The following PTPRD variants were observed in gnomAD, a reference collection of about 807,000 sequenced individuals.
PTPRD encodes receptor-type tyrosine-protein phosphatase delta.
Under a neutral mutation model 214.5 loss-of-function variants are expected in PTPRD, and 34 were observed. The ratio of observed to expected loss-of-function variants is 0.16; its 90% CI spans 0.12 to 0.21. The LOEUF (loss-of-function observed/expected upper bound fraction) is 0.21, where lower values mean the gene tolerates loss of function less well. Ranked by LOEUF, PTPRD falls within the 10% of genes least tolerant of loss-of-function variation. The probability of loss-of-function intolerance (pLI) is 1.00; values close to 1 mark genes in which losing one functional copy is unlikely to be tolerated. For synonymous variants in PTPRD, 1,128 were observed against 845.7 expected (o/e 1.33, Z -5.79); for missense variants, 2,545 against 2,398.7 (o/e 1.06, Z -1.27).
At chr9:9,161,988 T>A (rs2154494309) in intron 10 of PTPRD, among the ~76,000 whole-genome samples, 1 of 152,252 alleles carries the variant, frequency 6.6e-6, no homozygotes, top group East Asian at 1.9e-4. Flanking sequence ...TCTTGAATCC[T>A]AAAAGAGTAG....
intron 11 of PTPRD, among the ~76,000 whole-genome samples, chr9:8,843,449 G>A (rs1036254174): frequency 1.3e-5 from 2 of 152,136 alleles, no homozygotes; most frequent in African/African-American, 4.8e-5. Flanking sequence ...TGATGTTTCA[G>A]AATGATCTGG....
At chr9:10,489,365 A>T (rs763767974) in intron 2 of PTPRD, among the ~76,000 whole-genome samples, 1 of 151,994 alleles carries the variant, frequency 6.6e-6, no homozygotes, top group South Asian at 2.1e-4. Flanking sequence ...CTTTCCCTCT[A>T]TTCTCCTCCA....
chr9:8,846,433 CAG>C (rs1566571640), intron 11 of PTPRD, among the ~76,000 whole-genome samples: 1 of 152,012 alleles, frequency 6.6e-6, no homozygotes, highest in Non-Finnish European at 1.5e-5. Flanking sequence ...CCTAATAAAA[CAG>C]AGTAAAAATA....
intron 14 of PTPRD, among the ~76,000 whole-genome samples, chr9:8,558,839 G>C (rs148755767): frequency 6.6e-6 from 1 of 152,048 alleles, no homozygotes; most frequent in Admixed American, 6.6e-5. Context: ...AAATAAAATG[G>C]TAATTGCCAC....
At chr9:10,585,077 A>C (rs1288745919) in intron 2 of PTPRD, among the ~76,000 whole-genome samples, 3 of 152,120 alleles carry the variant, frequency 2.0e-5, no homozygotes, top group Non-Finnish European at 4.4e-5. Context: ...CCTTAAATAA[A>C]TTGTGAAATA....
At chr9:10,372,319 G>C (rs1210205211) in intron 2 of PTPRD, among the ~76,000 whole-genome samples, 1 of 151,934 alleles carries the variant, frequency 6.6e-6, no homozygotes, top group Middle Eastern at 3.2e-3. Context: ...TATTTGACAG[G>C]TTTTGAGTAG....
chr9:8,417,919 T>A (rs567380582), intron 35 of PTPRD, among the ~76,000 whole-genome samples: 42 of 152,304 alleles, frequency 2.8e-4, no homozygotes, highest in African/African-American at 8.9e-4. Flanking sequence ...TGAAAGAGTA[T>A]TAAATGTTTT....
intron 7 of PTPRD, among the ~76,000 whole-genome samples, chr9:9,578,842 G>A (rs1245866071): frequency 6.6e-6 from 1 of 152,016 alleles, no homozygotes; most frequent in Non-Finnish European, 1.5e-5. Flanking sequence ...ACTAAATTCA[G>A]AATCCCAGTT....
intron 7 of PTPRD, among the ~76,000 whole-genome samples, chr9:9,691,935 T>C (rs1214033750): frequency 1.3e-5 from 2 of 152,072 alleles, no homozygotes; most frequent in African/African-American, 2.4e-5. Flanking sequence ...CTGGGAACTG[T>C]CTATTGAAAT....
Position 10,135,086 on chromosome 9 carries a change from A to G in PTPRD, c.-544-101296T>C, listed in dbSNP as rs902364213. Among the ~76,000 whole-genome samples the G allele has an allele frequency of 2.6e-5, 4 of 152,314 alleles. 1 individual carries two copies. Among genetic ancestry groups the G allele is most frequent in the African/African-American group, 4.8e-5 (2 of 41,572 alleles). On this transcript the variant is annotated intron_variant, in intron 3 of 45. Coordinates refer to ENST00000381196, the MANE Select transcript of PTPRD (RefSeq NM_002839.4). ...TACAGGAATTCCATAATTTGGTTTG[A>G]AGAATTAATAATGGAATAGACCAAC...
chr9:10,219,755 C>G (rs532374787), intron 3 of PTPRD, among the ~76,000 whole-genome samples: 1 of 151,614 alleles, frequency 6.6e-6, no homozygotes, highest in Non-Finnish European at 1.5e-5. Context: ...AATATCCTTA[C>G]CACATTGTTT....
rs114699391 is a variant in PTPRD, at chr9:8,502,150, C to G, written c.1823-1091G>C. Among the ~76,000 whole-genome samples, 257 of 152,146 alleles carry G rather than the reference C, an allele frequency of 1.7e-3. 3 individuals are homozygous for G. Among genetic ancestry groups the G allele is most frequent in the African/African-American group, 5.5e-3 (227 of 41,506 alleles). ...ATCATTTTCCATCAAATTAACCAAG[C>G]ATTATGATTTTAAAAAATTAAAAAT... On this transcript the variant is annotated intron_variant, in intron 23 of 45. Coordinates refer to ENST00000381196, the MANE Select transcript of PTPRD (RefSeq NM_002839.4).
chr9:10,014,971 A>G (rs1217502514), intron 4 of PTPRD, among the ~76,000 whole-genome samples: 1 of 152,052 alleles, frequency 6.6e-6, no homozygotes, highest in Non-Finnish European at 1.5e-5. Context: ...TCTTCAATAT[A>G]TGGGATCTGT....
chr9:8,485,391 T>C (rs2096977739), intron 28 of PTPRD, 67 bp from the exon 29 acceptor site: 12 of 1,113,466 alleles, frequency 1.1e-5, no homozygotes, highest in East Asian at 4.9e-5. Context: ...CTTTCCACCA[T>C]GGACCATAGG....
chr9:9,484,339 C>T (rs2095538766), intron 8 of PTPRD, among the ~76,000 whole-genome samples: 1 of 151,828 alleles, frequency 6.6e-6, no homozygotes, highest in Non-Finnish European at 1.5e-5. Context: ...ATATGAACTC[C>T]AAGAATAGAC....
chr9:9,762,202 G>C (rs1202938372), intron 6 of PTPRD, among the ~76,000 whole-genome samples: 2 of 152,154 alleles, frequency 1.3e-5, no homozygotes, highest in African/African-American at 4.8e-5. Flanking sequence ...GAAGAATAGT[G>C]AATGTTTGCA....
At chr9:8,651,699 C>A (rs1159041576) in intron 12 of PTPRD, among the ~76,000 whole-genome samples, 1 of 152,036 alleles carries the variant, frequency 6.6e-6, no homozygotes, top group Non-Finnish European at 1.5e-5. Flanking sequence ...TTTAAAAAAT[C>A]AACTCAAAGA....
chr9:10,230,763 C>T (rs1011639802), intron 3 of PTPRD, among the ~76,000 whole-genome samples: 7 of 152,024 alleles, frequency 4.6e-5, no homozygotes, highest in Non-Finnish European at 8.8e-5. Context: ...GTGTACCAAC[C>T]TATAACAGAA....
chr9:8,344,636 G>C (rs953906944), intron 39 of PTPRD, among the ~76,000 whole-genome samples: 10 of 151,966 alleles, frequency 6.6e-5, no homozygotes, highest in Admixed American at 4.6e-4. Context: ...AGGAGCTGAC[G>C]TTTGGAACTT....
Sources: gnomAD v4.1 joint callset for allele counts (sites outside exome capture counted in the v4.1 genomes callset) on GRCh38, gnomAD v4.1.1 for gene constraint, MANE v1.5 for transcripts, NCBI Gene and HGNC (gene_info 2026-07-23, HGNC 2026-07-21) for gene names.